Variants in INPP4B observed in about 807,000 individuals in gnomAD.
The protein encoded by INPP4B is inositol polyphosphate-4-phosphatase type II B, also known as inositol polyphosphate 4-phosphatase type II.
INPP4B carries 55 observed loss-of-function variants against 122.5 expected under a neutral mutation model. The ratio of observed to expected loss-of-function variants is 0.45; its 90% CI spans 0.36 to 0.56. The LOEUF is 0.56. Ranked by LOEUF, INPP4B falls within the 20% of genes least tolerant of loss-of-function variation. The pLI is 0.00. For missense variants in INPP4B, 1,000 were observed against 1,097.7 expected (o/e 0.91, Z 1.26); for synonymous variants, 403 against 388.7 (o/e 1.04, Z -0.43).
chr4:142,263,721 G>C (rs1741413497), intron 10 of INPP4B, among the ~76,000 whole-genome samples: 1 of 130,252 alleles, frequency 7.7e-6, no homozygotes, highest in South Asian at 2.6e-4. Flanking sequence ...AAATAATGCA[G>C]AGAAAGGCGA....
Position 142,433,412 on chromosome 4 carries a change from T to A in INPP4B, c.-126-2027A>T, listed in dbSNP as rs548872045. 7.9e-5 allele frequency among the ~76,000 whole-genome samples: 12 copies of A among 152,288 alleles called. No homozygotes were observed. The South Asian group carries it at 2.5e-3, about 32-fold the overall frequency. On this transcript the variant is annotated intron_variant, in intron 3 of 25. Transcript: ENST00000262992. ...TTACTCAGAAGAGGTACAAGCTGAA[T>A]GGTCATCATACTCAGAAAATACTCT...
intron 7 of INPP4B, among the ~76,000 whole-genome samples, chr4:142,388,148 G>A (rs1561988087): frequency 1.3e-5 from 2 of 152,136 alleles, no homozygotes; most frequent in Non-Finnish European, 2.9e-5. Context: ...AAGATATCTT[G>A]TATACTTGTG....
chr4:142,519,450 T>C (rs1401401187), intron 2 of INPP4B, among the ~76,000 whole-genome samples: 1 of 152,194 alleles, frequency 6.6e-6, no homozygotes, highest in African/African-American at 2.4e-5. Flanking sequence ...ATTGAGTTAA[T>C]GTCTTGTCAT....
chr4:142,341,194 A>C (rs958246550), intron 7 of INPP4B, among the ~76,000 whole-genome samples: 1 of 152,178 alleles, frequency 6.6e-6, no homozygotes, highest in Non-Finnish European at 1.5e-5. Flanking sequence ...GAACCTCTTT[A>C]TGTAAATGCC....
intron 2 of INPP4B, among the ~76,000 whole-genome samples, chr4:142,490,476 A>T (rs927883116): frequency 3.3e-5 from 5 of 152,110 alleles, no homozygotes; most frequent in Non-Finnish European, 5.9e-5. Flanking sequence ...GTAAAATATG[A>T]TGTTTTGATA....
intron 1 of INPP4B, among the ~76,000 whole-genome samples, chr4:142,838,569 T>G (rs978716368): frequency 6.6e-6 from 1 of 152,018 alleles, no homozygotes; most frequent in Non-Finnish European, 1.5e-5. Flanking sequence ...TCAAAAAAAG[T>G]CAAAAAAGTA....
chr4:142,407,483 A>G (rs1286087675), intron 5 of INPP4B, among the ~76,000 whole-genome samples: 2 of 152,132 alleles, frequency 1.3e-5, no homozygotes, highest in Non-Finnish European at 2.9e-5. Context: ...CGTTCCCCAT[A>G]AAAACAGAGA....
At chr4:142,394,176 C>T (rs866945714) in intron 7 of INPP4B, among the ~76,000 whole-genome samples, 1 of 152,156 alleles carries the variant, frequency 6.6e-6, no homozygotes, top group Admixed American at 6.5e-5. Flanking sequence ...GACGGAGTCT[C>T]GCTCTGTCGC....
At chr4:142,051,238 T>G (rs1043399987) in intron 25 of INPP4B, among the ~76,000 whole-genome samples, 1 of 152,082 alleles carries the variant, frequency 6.6e-6, no homozygotes, top group Admixed American at 6.6e-5. Context: ...ATACTTTCAT[T>G]AAACATTGTT....
intron 1 of INPP4B, among the ~76,000 whole-genome samples, chr4:142,798,616 GATGCAGATACATA>G (rs1777591417): frequency 6.6e-6 from 1 of 151,774 alleles, no homozygotes; most frequent in Non-Finnish European, 1.5e-5. Context: ...CATCAAAAGT[GATGCAGATACATA>G]ATTGAAGAAC....
intron 1 of INPP4B, among the ~76,000 whole-genome samples, chr4:142,817,516 A>G (rs1437688175): frequency 6.6e-5 from 10 of 152,218 alleles, no homozygotes. Context: ...CACACTTTTA[A>G]TGGATCCAAT....
At chr4:142,650,105 C>A (rs1752624397) in intron 2 of INPP4B, among the ~76,000 whole-genome samples, 1 of 152,204 alleles carries the variant, frequency 6.6e-6, no homozygotes, top group Admixed American at 6.5e-5. Flanking sequence ...AATTTCACAT[C>A]CAGCCAAACT....
intron 7 of INPP4B, among the ~76,000 whole-genome samples, chr4:142,324,298 G>A (rs1213582869): frequency 6.6e-6 from 1 of 151,990 alleles, no homozygotes; most frequent in South Asian, 2.1e-4. Flanking sequence ...TTACTTATGC[G>A]TAGCCCTAGC....
intron 2 of INPP4B, among the ~76,000 whole-genome samples, chr4:142,680,115 C>A (rs1560954196): frequency 6.6e-6 from 1 of 151,802 alleles, no homozygotes; most frequent in Non-Finnish European, 1.5e-5. Context: ...ATGCATGAAA[C>A]TAGTTACAAA....
At chr4:142,234,098 T>A (rs907172197) in intron 12 of INPP4B, among the ~76,000 whole-genome samples, 1 of 152,202 alleles carries the variant, frequency 6.6e-6, no homozygotes, top group African/African-American at 2.4e-5. Flanking sequence ...AAAACAAAAC[T>A]GTAGATTCAG....
chr4:142,653,480 A>C (rs1000672775), intron 2 of INPP4B, among the ~76,000 whole-genome samples: 3 of 152,206 alleles, frequency 2.0e-5, no homozygotes, highest in Non-Finnish European at 4.4e-5. Flanking sequence ...CCCATCTGAC[A>C]AACGGCTAAT....
chr4:142,516,305 AT>A (rs1399199917), intron 2 of INPP4B, among the ~76,000 whole-genome samples: 3 of 152,222 alleles, frequency 2.0e-5, no homozygotes, highest in African/African-American at 7.2e-5. Flanking sequence ...AATGTACATT[AT>A]TTGTCTTAAA....
intron 17 of INPP4B, among the ~76,000 whole-genome samples, chr4:142,159,760 A>G (rs1819137266): frequency 1.3e-5 from 2 of 151,952 alleles, no homozygotes. Context: ...CGGCCCAACT[A>G]GAATTTCTCT....
rs190453460 is a variant in INPP4B, at chr4:142,788,672, C to T, written c.-254+57537G>A. On this transcript the variant is annotated intron_variant, in intron 1 of 25. Coordinates refer to ENST00000262992, the MANE Select transcript of INPP4B (RefSeq NM_001101669.3). ...GTTCATTGTGTCATTCTTGTTCCCT[C>T]GCATGCTCATAGCTTAGCTCTCACT... 2.7e-3 allele frequency among the ~76,000 whole-genome samples: 416 copies of T among 152,112 alleles called. 3 individuals are homozygous for T. Among genetic ancestry groups the T allele is most frequent in the Non-Finnish European group, 2.6e-3 (174 of 67,988 alleles).
Sources: gnomAD v4.1 joint callset for allele counts (sites outside exome capture counted in the v4.1 genomes callset) on GRCh38, gnomAD v4.1.1 for gene constraint, MANE v1.5 for transcripts, NCBI Gene and HGNC (gene_info 2026-07-23, HGNC 2026-07-21) for gene names.